Variants in GPC5 observed in about 807,000 individuals in gnomAD.
GPC5 encodes glypican-5.
A neutral mutation model predicts 53.9 loss-of-function variants in GPC5; 47 were observed. The observed-to-expected ratio is 0.87, with a 90% CI of 0.69 to 1.11. GPC5 has a LOEUF of 1.11. GPC5 is among the 50% of genes most tolerant of loss of function. GPC5 has a pLI of 0.00. For missense variants in GPC5, 748 were observed against 713.1 expected, an observed-to-expected ratio of 1.05 and a Z score of -0.56; for synonymous variants, 286 against 263.3, an observed-to-expected ratio of 1.09 and a Z score of -0.84.
chr13:92,292,225 G>T (rs1309921548), intron 7 of GPC5, among the ~76,000 whole-genome samples: 3 of 152,172 alleles, frequency 2.0e-5, no homozygotes, highest in Non-Finnish European at 4.4e-5. Flanking sequence ...TGGATCAAAT[G>T]GTAGCTCTAC....
intron 7 of GPC5, among the ~76,000 whole-genome samples, chr13:92,613,409 ATAT>A: frequency 1.3e-5 from 1 of 79,352 alleles, no homozygotes; most frequent in Non-Finnish European, 2.2e-5. Context: ...ATATTATATT[ATAT>A]ATAAATATGA....
At chr13:92,697,073 CAG>C (rs1887578346) in intron 7 of GPC5, among the ~76,000 whole-genome samples, 1 of 150,896 alleles carries the variant, frequency 6.6e-6, no homozygotes, top group African/African-American at 2.4e-5. Context: ...GTTTTGGTAG[CAG>C]TACCATGCTG....
At chr13:92,836,349 T>A (rs1753686817) in intron 7 of GPC5, among the ~76,000 whole-genome samples, 1 of 152,084 alleles carries the variant, frequency 6.6e-6, no homozygotes, top group Admixed American at 6.6e-5. Flanking sequence ...AAGATTAGGA[T>A]CCAAATTTAT....
intron 5 of GPC5, among the ~76,000 whole-genome samples, chr13:91,861,091 A>T (rs1933637683): frequency 6.6e-6 from 1 of 152,210 alleles, no homozygotes; most frequent in Non-Finnish European, 1.5e-5. Flanking sequence ...ATTTTATAAA[A>T]TCTAAAACTT....
intron 7 of GPC5, among the ~76,000 whole-genome samples, chr13:92,619,856 A>T (rs1295683219): frequency 6.6e-6 from 1 of 152,098 alleles, no homozygotes; most frequent in Non-Finnish European, 1.5e-5. Context: ...ACTGAAACAA[A>T]CAATATTTGC....
chr13:91,907,586 C>T (rs927196920), intron 5 of GPC5, among the ~76,000 whole-genome samples: 7 of 148,554 alleles, frequency 4.7e-5, no homozygotes, highest in African/African-American at 1.7e-4. Flanking sequence ...AATAAGCTGA[C>T]TCAGACAATA....
intron 3 of GPC5, among the ~76,000 whole-genome samples, chr13:91,705,772 A>C (rs1292296129): frequency 6.6e-6 from 1 of 151,006 alleles, no homozygotes; most frequent in East Asian, 2.0e-4. Flanking sequence ...AAAATTACCC[A>C]AAACCTGAAA....
intron 2 of GPC5, among the ~76,000 whole-genome samples, chr13:91,588,411 C>T (rs553296128): frequency 4.0e-4 from 61 of 152,142 alleles, no homozygotes; most frequent in African/African-American, 1.4e-3. Context: ...TGGGAGAGTT[C>T]CTTAATTTCT....
At chr13:91,949,028 T>G (rs527754973) in intron 6 of GPC5, among the ~76,000 whole-genome samples, 1 of 152,208 alleles carries the variant, frequency 6.6e-6, no homozygotes. Flanking sequence ...CACAGATGAT[T>G]ACCAGGTAGT....
intron 2 of GPC5, among the ~76,000 whole-genome samples, chr13:91,650,753 T>TTTGTTTTTTTTTTTTG (rs1488242737): frequency 7.5e-6 from 1 of 133,320 alleles, no homozygotes; most frequent in African/African-American, 3.3e-5. Context: ...CCCATAAGTT[T>TTTGTTTTTTTTTTTTG]TTTTTTTTTT....
intron 7 of GPC5, among the ~76,000 whole-genome samples, chr13:92,556,151 G>A (rs1319795964): frequency 6.6e-6 from 1 of 151,668 alleles, no homozygotes. Flanking sequence ...TTTTGTAATG[G>A]TGGTAAAATA....
chr13:92,438,088 G>T (rs1877388685), intron 7 of GPC5, among the ~76,000 whole-genome samples: 1 of 151,986 alleles, frequency 6.6e-6, no homozygotes, highest in South Asian at 2.1e-4. Context: ...ATTATACAGG[G>T]TGGTGGTCAT....
chr13:92,082,436 C>T (rs1366239586), intron 6 of GPC5, among the ~76,000 whole-genome samples: 1 of 152,134 alleles, frequency 6.6e-6, no homozygotes, highest in Non-Finnish European at 1.5e-5. Context: ...AGAGGAGTGA[C>T]AGCCTTCAAG....
intron 7 of GPC5, among the ~76,000 whole-genome samples, chr13:92,699,097 A>G (rs1008245733): frequency 2.1e-4 from 32 of 152,158 alleles, no homozygotes; most frequent in African/African-American, 7.2e-4. Context: ...TGCTGCCTCA[A>G]TTTCAGAACT....
chr13:91,883,017 A>G (rs768506346), intron 5 of GPC5, among the ~76,000 whole-genome samples: 12 of 152,256 alleles, frequency 7.9e-5, no homozygotes, highest in Middle Eastern at 3.4e-3. Context: ...CATGGATTCT[A>G]TAGGTAAGAA....
intron 7 of GPC5, chr13:92,448,078 T>C (rs578046208): frequency 2.0e-5 from 3 of 152,258 alleles, no homozygotes; most frequent in East Asian, 3.9e-4. Flanking sequence ...GCTTTACTTA[T>C]TGTTTTCCAA....
chr13:92,577,614 A>G (rs1196958312), intron 7 of GPC5, among the ~76,000 whole-genome samples: 1 of 152,120 alleles, frequency 6.6e-6, no homozygotes, highest in African/African-American at 2.4e-5. Flanking sequence ...CATATTTCAG[A>G]TCCTACAAAG....
chr13:91,511,465 T>G (rs1205845454), intron 2 of GPC5, among the ~76,000 whole-genome samples: 1 of 152,180 alleles, frequency 6.6e-6, no homozygotes, highest in Non-Finnish European at 1.5e-5. Flanking sequence ...TTTCTCTTTC[T>G]CCCTTTGCAC....
In GPC5 at chr13:91,792,229, G is replaced by A. The variant is rs146879080; in HGVS notation, c.1280+35809G>A. On this transcript the variant is annotated intron_variant, in intron 5 of 7. Coordinates refer to ENST00000377067, the MANE Select transcript of GPC5 (RefSeq NM_004466.6). ...CAGTCTTTCCTGACTTCACTGCGTA[G>A]CAGCAACCCAGTCATTTCTTGATAA... Among the ~76,000 whole-genome samples, 352 of 152,304 alleles carry A rather than the reference G, an allele frequency of 2.3e-3. 7 individuals are homozygous for A. Among genetic ancestry groups the A allele is most frequent in the Admixed American group, 0.021 (327 of 15,296 alleles).
Sources: allele counts gnomAD v4.1 joint callset (sites outside exome capture counted in the v4.1 genomes callset), GRCh38; gene constraint gnomAD v4.1.1; transcripts MANE v1.5; gene names NCBI Gene and HGNC (gene_info 2026-07-23, HGNC 2026-07-21).